Variants in GBP5 observed in about 807,000 individuals in gnomAD.
GBP5 encodes the protein guanylate-binding protein 5.
Under a neutral mutation model 58.2 loss-of-function variants are expected in GBP5, and 48 were observed. That is an observed-to-expected ratio of 0.83 (90% CI 0.65 to 1.05). The LOEUF (loss-of-function observed/expected upper bound fraction) is 1.05. Ranked by LOEUF, GBP5 falls within the 50% of genes least tolerant of loss-of-function variation. The pLI is 0.00. For missense variants in GBP5, 714 were observed against 686.8 expected (o/e 1.04, Z -0.44); for synonymous variants, 248 against 251.8 (o/e 0.98, Z 0.14).
intron 11 of GBP5, among the ~76,000 whole-genome samples, chr1:89,261,509 G>A (rs547726300): frequency 4.6e-5 from 7 of 152,292 alleles, no homozygotes; most frequent in African/African-American, 1.7e-4. Context: ...AATGTGCTAG[G>A]CTTGTGTGAT....
chr1:89,270,579 C>A (rs1650403902), intron 2 of GBP5, 176 bp downstream of exon 2: 1 of 152,204 alleles, frequency 6.6e-6, no homozygotes, highest in Admixed American at 6.5e-5. Flanking sequence ...AAAACAGAAA[C>A]TGCTTGGCAG....
Position 89,256,840 on chromosome 1 carries a change from C to T in GBP5, c.*3864G>A, listed in dbSNP as rs1481438296. Among the ~76,000 whole-genome samples the T allele has an allele frequency of 6.6e-6, 1 of 152,170 alleles. No individual in the cohort carries two copies. The highest frequency in any genetic ancestry group is 1.5e-5 in the Non-Finnish European group (1 of 68,020). ...CTATATGGCCATCCAGTAGTCCCAACCTACTAAGAAGTCTATCTTTACCCT... is the reference window on the plus strand; with the variant it reads ...CTATATGGCCATCCAGTAGTCCCAATCTACTAAGAAGTCTATCTTTACCCT... On this transcript the variant is annotated 3_prime_UTR_variant, in exon 12 of 12. Coordinates refer to ENST00000370459, the MANE Select transcript of GBP5 (RefSeq NM_052942.5).
chr1:89,264,411 G>T (rs937088646), intron 8 of GBP5, among the ~76,000 whole-genome samples: 1 of 152,178 alleles, frequency 6.6e-6, no homozygotes, highest in African/African-American at 2.4e-5. Context: ...TTAATACTTT[G>T]TAAATGCAAC....
rs975811565 is a variant in GBP5, at chr1:89,258,799, A to G, written c.*1905T>C. Reference sequence around the variant, plus strand: ...TTAAACAAAAAAAATTTTACTGGAGATATACAAAACAAAGTAACAAAAAGT... The same window carrying G: ...TTAAACAAAAAAAATTTTACTGGAGGTATACAAAACAAAGTAACAAAAAGT... On this transcript the variant is annotated 3_prime_UTR_variant, in exon 12 of 12. Coordinates refer to ENST00000370459, the MANE Select transcript of GBP5 (RefSeq NM_052942.5). Among the ~76,000 whole-genome samples the G allele has an allele frequency of 3.9e-5, 6 of 152,184 alleles. No individual in the cohort carries two copies. The highest frequency in any genetic ancestry group is 1.4e-4 in the African/African-American group (6 of 41,448).
intron 10 of GBP5, 53 bp downstream of exon 10, chr1:89,262,630 T>C (rs1402954636): frequency 1.5e-6 from 2 of 1,338,928 alleles, no homozygotes; most frequent in African/African-American, 2.9e-5. Context: ...GCCAAATTTA[T>C]TTAAAATTTA....
chr1:89,266,168 C>T (rs1351416414), intron 7 of GBP5, among the ~76,000 whole-genome samples, 178 bp downstream of exon 7: 1 of 152,148 alleles, frequency 6.6e-6, no homozygotes, highest in East Asian at 1.9e-4. Flanking sequence ...AAAGGTATTA[C>T]TACACACACT....
Position 89,260,232 on chromosome 1 carries a change from C to CA in GBP5, c.*471dup. 1 of 157,154 alleles carries CA rather than the reference C, an allele frequency of 6.4e-6. No individual in the cohort carries two copies. The highest frequency in any genetic ancestry group is 1.9e-4 in the South Asian group (1 of 5,358). The allele number at this position is 157,154 out of a possible 1,614,324, so 9.7% of individuals were successfully genotyped here. ...GAATCTAATGTCACTGCTGATCTGACAGGAGGTGGAGCTCAGGCTGTAATG... is the reference window on the plus strand; with the variant it reads ...GAATCTAATGTCACTGCTGATCTGACAAGGAGGTGGAGCTCAGGCTGTAATG... On this transcript the variant is annotated 3_prime_UTR_variant, in exon 12 of 12. Coordinates refer to ENST00000370459, the MANE Select transcript of GBP5 (RefSeq NM_052942.5).
At chr1:89,269,331 G>A in intron 3 of GBP5, 35 bp downstream of exon 3, 1 of 1,601,406 alleles carries the variant, frequency 6.2e-7, no homozygotes, top group Non-Finnish European at 8.5e-7. Context: ...TGAATGGACA[G>A]AAGGGTTTGG....
rs776299821 is a variant in GBP5, at chr1:89,260,722, A to G, written c.1743T>C (p.Asp581=). ...TAGCACTTTAGAGTAAAACACATGG[A>G]TCATCGTTATTAACAGTCCTCTGGG... ...QHAQRTVNND[D]PCVLL is the part of the protein sequence containing the mutation. The change falls in exon 12 of 12, where the codon GAT becomes GAC. Residue 581 remains aspartate (D), a synonymous_variant. Coordinates refer to ENST00000370459, the MANE Select transcript of GBP5 (RefSeq NM_052942.5). 1 of 1,612,380 alleles carries G rather than the reference A, an allele frequency of 6.2e-7. No individual in the cohort carries two copies. The highest frequency in any genetic ancestry group is 1.3e-5 in the African/African-American group (1 of 74,892).
At chr1:89,261,525 CATTG>C (rs1202226431) in intron 11 of GBP5, among the ~76,000 whole-genome samples, 9 of 152,190 alleles carry the variant, frequency 5.9e-5, no homozygotes, top group Admixed American at 2.0e-4. Flanking sequence ...GTGATATTTG[CATTG>C]ATTATCTCTT....
At position 89,272,552 on chromosome 1, in the gene GBP5, G is replaced by C. The variant is rs1400893734; in HGVS notation, c.-228C>G. ...GGTTCTTAAAGGTGGCGTGTCAGGAGTTTGCTCCTTCTGATGTTCGGATGT... is the reference window on the plus strand; with the variant it reads ...GGTTCTTAAAGGTGGCGTGTCAGGACTTTGCTCCTTCTGATGTTCGGATGT... On this transcript the variant is annotated 5_prime_UTR_variant, in exon 1 of 12. Transcript: ENST00000370459. 1 of 157,826 alleles carries C rather than the reference G, an allele frequency of 6.3e-6. No individual in the cohort carries two copies. The highest frequency in any genetic ancestry group is 1.4e-5 in the Non-Finnish European group (1 of 72,590). The allele number at this position is 157,826 out of a possible 1,614,324, so 9.8% of individuals were successfully genotyped here.
rs1557501707 is a variant in GBP5 at position 89,263,928 on chromosome 1, CT to C, written c.1169del (p.Gln390ArgfsTer27). 1 of 1,609,612 alleles carries C rather than the reference CT, an allele frequency of 6.2e-7. No individual in the cohort carries two copies. The highest frequency in any genetic ancestry group is 8.5e-7 in the Non-Finnish European group (1 of 1,177,698). On this transcript the variant is annotated frameshift_variant, in exon 9 of 12. Coordinates refer to ENST00000370459, the MANE Select transcript of GBP5 (RefSeq NM_052942.5). LOFTEE classifies it high-confidence loss of function. ...KELETLLDAKQNDICKRNLEA... is the reference protein window; with the variant it reads ...KELETLLDAKXNDICKRNLEA... ...CCAGGTTCCGTTTACAAATGTCATTCTGTTTTGCATCTAGTAGAGTCTTCAA... is the reference window on the plus strand; with the variant it reads ...CCAGGTTCCGTTTACAAATGTCATTCGTTTTGCATCTAGTAGAGTCTTCAA...
At position 89,263,913 on chromosome 1, in the gene GBP5, T is replaced by C. The variant is rs1377186530; in HGVS notation, c.1185A>G (p.Lys395=). The change falls in exon 9 of 12, where the codon AAA becomes AAG. Residue 395 remains lysine, a synonymous_variant. Coordinates refer to ENST00000370459, the MANE Select transcript of GBP5 (RefSeq NM_052942.5). ...LLDAKQNDIC[K]RNLEASSDYC... ...AATCCGAGGATGCTTCCAGGTTCCG[T>C]TTACAAATGTCATTCTGTTTTGCAT... The C allele has an allele frequency of 1.2e-6, 2 of 1,612,034 alleles. No homozygotes were observed. The highest frequency in any genetic ancestry group is 2.2e-5 in the South Asian group (2 of 90,946).
intron 7 of GBP5, 101 bp downstream of exon 7, chr1:89,266,245 C>T: frequency 2.1e-6 from 2 of 971,422 alleles, no homozygotes; most frequent in African/African-American, 1.6e-5. Flanking sequence ...GTAGCAATTG[C>T]CTATGCATTT....
At chr1:89,261,340 T>G (rs1029639456) in intron 11 of GBP5, among the ~76,000 whole-genome samples, 2 of 152,190 alleles carry the variant, frequency 1.3e-5, no homozygotes, top group African/African-American at 4.8e-5. Flanking sequence ...AGAAATATTT[T>G]AGAGTAACTT....
intron 7 of GBP5, 24 bp downstream of exon 7, chr1:89,266,322 G>GA: frequency 6.3e-7 from 1 of 1,597,746 alleles, no homozygotes; most frequent in Non-Finnish European, 8.6e-7. Flanking sequence ...TAAATTGAAG[G>GA]AAAATCCTAA....
intron 3 of GBP5, 126 bp from the exon 4 acceptor site, chr1:89,268,982 T>C: frequency 1.1e-6 from 1 of 931,076 alleles, no homozygotes; most frequent in Non-Finnish European, 1.6e-6. Context: ...CCAGTATTGA[T>C]TTGAATGATG....
At chr1:89,271,407 T>A (rs901050265) in intron 1 of GBP5, 2 of 152,168 alleles carry the variant, frequency 1.3e-5, no homozygotes, top group African/African-American at 4.8e-5. Flanking sequence ...AACATCAGTA[T>A]AACTGCTGGC....
intron 4 of GBP5, among the ~76,000 whole-genome samples, chr1:89,267,774 C>G (rs1389950312): frequency 2.0e-5 from 3 of 152,068 alleles, no homozygotes; most frequent in African/African-American, 7.3e-5. Flanking sequence ...GTACTTAAAA[C>G]CAACATTTTC....
Sources: allele counts gnomAD v4.1 joint callset (sites outside exome capture counted in the v4.1 genomes callset), GRCh38; gene constraint gnomAD v4.1.1; transcripts MANE v1.5; gene names NCBI Gene and HGNC (gene_info 2026-07-23, HGNC 2026-07-21).